CTNNA3: variants seen among roughly 807,000 people sequenced by gnomAD.
CTNNA3 encodes catenin alpha 3.
In CTNNA3, 76 loss-of-function variants were observed where a neutral mutation model predicts 95.7. The ratio of observed to expected loss-of-function variants is 0.79; its 90% CI spans 0.66 to 0.96. The LOEUF (loss-of-function observed/expected upper bound fraction) is 0.96, where lower values mean the gene tolerates loss of function less well. Among genes scored for constraint, CTNNA3 ranks in the 40% least tolerant of loss-of-function variants. The pLI is 0.00. For missense variants in CTNNA3, 1,191 were observed against 1,089.8 expected (o/e 1.09, Z -1.31); for synonymous variants, 431 against 374.4 (o/e 1.15, Z -1.74).
intron 11 of CTNNA3, among the ~76,000 whole-genome samples, chr10:66,431,117 T>A (rs549259399): frequency 1.3e-5 from 2 of 150,728 alleles, no homozygotes; most frequent in Admixed American, 1.3e-4. Context: ...AAATAAGACA[T>A]TTATGCAGCC....
At chr10:66,417,524 C>T (rs1181106006) in intron 11 of CTNNA3, among the ~76,000 whole-genome samples, 1 of 151,956 alleles carries the variant, frequency 6.6e-6, no homozygotes, top group Non-Finnish European at 1.5e-5. Context: ...TTAGAACAAA[C>T]AGACCTAACA....
chr10:66,595,504 T>C (rs1843685515), intron 10 of CTNNA3, among the ~76,000 whole-genome samples: 1 of 151,894 alleles, frequency 6.6e-6, no homozygotes, highest in Admixed American at 6.6e-5. Context: ...ATCCAGCTAA[T>C]TTTTGTATTT....
intron 5 of CTNNA3, among the ~76,000 whole-genome samples, chr10:67,285,418 A>G (rs1269915977): frequency 6.6e-6 from 1 of 152,216 alleles, no homozygotes; most frequent in Admixed American, 6.5e-5. Flanking sequence ...TGGGCATCTA[A>G]GAAGTGCCTA....
chr10:66,236,861 T>C (rs1004153249), intron 13 of CTNNA3, among the ~76,000 whole-genome samples: 1 of 150,822 alleles, frequency 6.6e-6, no homozygotes, highest in African/African-American at 2.5e-5. Context: ...ACACCTACAA[T>C]CCCAACACTT....
chr10:67,726,616 A>C (rs796723671), intron 1 of CTNNA3, among the ~76,000 whole-genome samples: 1,021 of 19,024 alleles, frequency 0.054, 9 homozygotes, highest in Non-Finnish European at 0.094. Flanking sequence ...TATATAATAT[A>C]TAATATATAT....
intron 9 of CTNNA3, among the ~76,000 whole-genome samples, chr10:66,622,832 G>T (rs1035519025): frequency 1.1e-4 from 17 of 152,068 alleles, no homozygotes; most frequent in African/African-American, 4.1e-4. Flanking sequence ...TATTTTAAAA[G>T]TACCACAAAA....
chr10:65,962,106 GA>G (rs542978002), intron 17 of CTNNA3, among the ~76,000 whole-genome samples: 118 of 152,152 alleles, frequency 7.8e-4, no homozygotes, highest in African/African-American at 2.7e-3. Context: ...ATCACTTTGT[GA>G]AAAAAGTTGT....
intron 12 of CTNNA3, among the ~76,000 whole-genome samples, chr10:66,352,983 C>T (rs1247674993): frequency 6.6e-6 from 1 of 151,798 alleles, no homozygotes; most frequent in Non-Finnish European, 1.5e-5. Context: ...TCAAGCTGAG[C>T]CATAGGTAAA....
chr10:66,520,606 T>A lies in CTNNA3; in HGVS notation c.1531+11A>T, dbSNP rs1463225153. The A allele has an allele frequency of 6.3e-7, 1 of 1,592,640 alleles. No individual in the cohort carries two copies. The highest frequency in any genetic ancestry group is 2.3e-5 in the East Asian group (1 of 43,458). The stretch of plus-strand genomic sequence containing the variant: ...AGAGAAAATAAACAAATTAAAAGAA[T>A]AAAAACATACCAGATACAGCAAGGA... On this transcript the variant is annotated intron_variant, in intron 11 of 17. Transcript: ENST00000433211.
intron 5 of CTNNA3, among the ~76,000 whole-genome samples, chr10:67,443,042 G>C (rs188207646): frequency 6.8e-6 from 1 of 146,694 alleles, no homozygotes. Context: ...GAGAACATGC[G>C]GTGTTTGGTT....
chr10:66,247,823 C>T (rs973177993), intron 13 of CTNNA3, among the ~76,000 whole-genome samples: 4 of 152,118 alleles, frequency 2.6e-5, no homozygotes, highest in African/African-American at 7.2e-5. Context: ...CAACACCAGA[C>T]CCATCCTGCA....
At chr10:66,209,286 A>AAG (rs1564767794) in intron 13 of CTNNA3, among the ~76,000 whole-genome samples, 2 of 152,178 alleles carry the variant, frequency 1.3e-5, no homozygotes, top group African/African-American at 4.8e-5. Context: ...CAAAATTCTT[A>AAG]ATCTCTTGAA....
intron 13 of CTNNA3, among the ~76,000 whole-genome samples, chr10:66,133,623 A>C (rs768969543): frequency 1.1e-4 from 17 of 152,128 alleles, no homozygotes; most frequent in Non-Finnish European, 2.2e-4. Flanking sequence ...AAGCGGGATT[A>C]GCCCAATTAG....
intron 10 of CTNNA3, among the ~76,000 whole-genome samples, chr10:66,570,016 T>C (rs971720145): frequency 1.3e-5 from 2 of 152,312 alleles, no homozygotes; most frequent in Admixed American, 1.3e-4. Flanking sequence ...CTTTCTTTGG[T>C]CTACCACATA....
intron 12 of CTNNA3, among the ~76,000 whole-genome samples, chr10:66,292,076 T>TATACAC (rs142911848): frequency 6.7e-6 from 1 of 149,400 alleles, no homozygotes; most frequent in African/African-American, 2.5e-5. Flanking sequence ...CATATACAGA[T>TATACAC]ACACACACAC....
chr10:67,123,835 T>C lies in CTNNA3; in HGVS notation c.1047+56482A>G, dbSNP rs547865233. On this transcript the variant is annotated intron_variant, in intron 7 of 17. Coordinates refer to ENST00000433211, the MANE Select transcript of CTNNA3 (RefSeq NM_013266.4). ...TGCTTTCTTCTTTCTACTCCAGTAT[T>C]TCAACCAAGTAGGTTATACTGTTTC... Among the ~76,000 whole-genome samples, 67 of 152,326 alleles carry C rather than the reference T, an allele frequency of 4.4e-4. No homozygotes were observed. The South Asian group carries it at 7.7e-3, about 17-fold the overall frequency.
intron 13 of CTNNA3, among the ~76,000 whole-genome samples, chr10:66,227,845 T>A (rs2089396005): frequency 6.6e-6 from 1 of 152,176 alleles, no homozygotes; most frequent in Admixed American, 6.6e-5. Context: ...TGATTTAACA[T>A]CCTTACTCAT....
chr10:67,196,313 T>G (rs1279944060), intron 6 of CTNNA3, among the ~76,000 whole-genome samples: 1 of 151,810 alleles, frequency 6.6e-6, no homozygotes, highest in Non-Finnish European at 1.5e-5. Context: ...TTTATAGTAC[T>G]TTGGTACATT....
intron 10 of CTNNA3, among the ~76,000 whole-genome samples, chr10:66,574,820 T>A (rs575006865): frequency 6.6e-6 from 1 of 152,176 alleles, no homozygotes; most frequent in Non-Finnish European, 1.5e-5. Context: ...CCATAGCCTA[T>A]GCTCAAAAGA....
Sources: gnomAD v4.1 joint callset for allele counts (sites outside exome capture counted in the v4.1 genomes callset) on GRCh38, gnomAD v4.1.1 for gene constraint, MANE v1.5 for transcripts, NCBI Gene and HGNC (gene_info 2026-07-23, HGNC 2026-07-21) for gene names.